The following PCDHGB1 variants were observed in gnomAD, a reference collection of about 807,000 sequenced individuals.
PCDHGB1 encodes the protein protocadherin gamma-B1.
In PCDHGB1, 34 loss-of-function variants were observed where a neutral mutation model predicts 56.6. That is an observed-to-expected ratio of 0.60 (90% CI 0.46 to 0.80). The LOEUF is 0.80. PCDHGB1 is among the 30% of genes least tolerant of loss of function. The pLI is 0.00. For synonymous variants in PCDHGB1, 561 were observed against 505.9 expected, an observed-to-expected ratio of 1.11 and a Z score of -1.46; for missense variants, 1,278 against 1,204.6, an observed-to-expected ratio of 1.06 and a Z score of -0.90.
rs1427052612 is a variant in PCDHGB1 at position 141,493,002 on chromosome 5, A to G, written c.2410-1805A>G. Among the ~76,000 whole-genome samples, 4 of 152,246 alleles carry G rather than the reference A, an allele frequency of 2.6e-5. No individual in the cohort carries two copies. The highest frequency in any genetic ancestry group is 2.1e-4 in the South Asian group (1 of 4,832). On this transcript the variant is annotated intron_variant, in intron 1 of 3. Transcript: ENST00000523390. This position sits in a 1 kb window ranked among gnomAD's most constrained non-coding sequence, Gnocchi z 4.3. ...TCTCCTCTGGCAGATGGAAAGCTAT[A>G]GGCTCTGCCAGATGCCAGGGTGCCC... is the stretch of plus-strand genomic sequence containing the variant.
intron 1 of PCDHGB1, chr5:141,418,463 C>A (rs1046926260): frequency 1.2e-6 from 2 of 1,613,826 alleles, no homozygotes; most frequent in Non-Finnish European, 1.7e-6. Context: ...GACTCTGGAC[C>A]GAGAAACGCA....
chr5:141,410,402 A>G, intron 1 of PCDHGB1: 1 of 1,614,008 alleles, frequency 6.2e-7, no homozygotes, highest in South Asian at 1.1e-5. Flanking sequence ...TCTCTGTGTC[A>G]AGTCTGGACC....
At chr5:141,421,173 C>A in intron 1 of PCDHGB1, 2 of 1,377,172 alleles carry the variant, frequency 1.5e-6, no homozygotes, top group Non-Finnish European at 9.7e-7. Context: ...GATACATAAG[C>A]CGATTCACAA....
chr5:141,397,298 T>C (rs140040192), intron 1 of PCDHGB1, among the ~76,000 whole-genome samples: 13 of 152,318 alleles, frequency 8.5e-5, no homozygotes, highest in African/African-American at 2.9e-4. Context: ...AATGAATATT[T>C]CCTGAAGTAG....
Position 141,489,195 on chromosome 5 carries a change from A to G in PCDHGB1, c.2410-5612A>G, listed in dbSNP as rs200660227. ...ATTCCAAGCCCTGGGTCTACCTTGG[A>G]GACAGGACAGCACAGACTTACTCTC... is the stretch of plus-strand genomic sequence containing the variant. On this transcript the variant is annotated intron_variant, in intron 1 of 3. Transcript: ENST00000523390. This position sits in a 1 kb window ranked among gnomAD's most constrained non-coding sequence, Gnocchi z 4.5. 1.8e-5 allele frequency: 25 copies of G among 1,383,116 alleles called. No individual in the cohort carries two copies. The East Asian group carries it at 4.8e-4, about 27-fold the overall frequency. 85.7% of individuals were successfully genotyped at this position (1,383,116 alleles called of 1,614,324 possible). A position where few individuals can be genotyped will look rare whatever the true frequency, so the allele number is the denominator to read the frequency against.
chr5:141,489,254 C>T lies in PCDHGB1; in HGVS notation c.2410-5553C>T, dbSNP rs2099684538. 2 of 1,548,628 alleles carry T rather than the reference C, an allele frequency of 1.3e-6. No homozygotes were observed. Among genetic ancestry groups the T allele is most frequent in the African/African-American group, 1.4e-5 (1 of 73,008 alleles). ...GACTTCTGGGTCATGGGGCCCAAGA[C>T]ACTCCCACAGCTCGCTGGGAAATGG... is the stretch of plus-strand genomic sequence containing the variant. On this transcript the variant is annotated intron_variant, in intron 1 of 3. Transcript: ENST00000523390. This position sits in a 1 kb window ranked among gnomAD's most constrained non-coding sequence, Gnocchi z 4.5.
chr5:141,438,072 A>C (rs761630845), intron 1 of PCDHGB1, among the ~76,000 whole-genome samples: 1 of 152,158 alleles, frequency 6.6e-6, no homozygotes, highest in Non-Finnish European at 1.5e-5. Flanking sequence ...AACCATACTT[A>C]ATGGAAAATT....
At position 141,491,067 on chromosome 5, in the gene PCDHGB1, G is replaced by T. The variant is rs752758445; in HGVS notation, c.2410-3740G>T. On this transcript the variant is annotated intron_variant, in intron 1 of 3. Transcript: ENST00000523390. The surrounding 1 kb of genome is among the most constrained non-coding windows in gnomAD (Gnocchi z 6.9). Reference sequence around the variant, plus strand: ...ACAATGCGTGGCTCTCCTACTCACTGTTGCCACAGTCCACAGCCCCAGGAC... The same window carrying T: ...ACAATGCGTGGCTCTCCTACTCACTTTTGCCACAGTCCACAGCCCCAGGAC... 1.2e-6 allele frequency: 2 copies of T among 1,614,200 alleles called. No homozygotes were observed. The highest frequency in any genetic ancestry group is 1.7e-6 in the Non-Finnish European group (2 of 1,180,040).
intron 1 of PCDHGB1, chr5:141,370,358 T>A (rs772671669): frequency 4.8e-5 from 73 of 1,513,438 alleles, no homozygotes; most frequent in Non-Finnish European, 6.2e-5. Context: ...AGATCTCCTC[T>A]CCTCGGATTT....
intron 1 of PCDHGB1, chr5:141,410,199 A>G: frequency 6.2e-7 from 1 of 1,613,998 alleles, no homozygotes; most frequent in South Asian, 1.1e-5. Flanking sequence ...GTCTTCGCAG[A>G]CAACTTGCAA....
At chr5:141,435,728 A>T (rs549219746) in intron 1 of PCDHGB1, among the ~76,000 whole-genome samples, 1 of 152,200 alleles carries the variant, frequency 6.6e-6, no homozygotes, top group Non-Finnish European at 1.5e-5. Flanking sequence ...GCTAAAGTGT[A>T]TTACTCTTTG....
At chr5:141,362,027 C>T in intron 1 of PCDHGB1, 2 of 1,608,844 alleles carry the variant, frequency 1.2e-6, no homozygotes, top group Non-Finnish European at 1.7e-6. Flanking sequence ...ACAGCGCGTG[C>T]CTTGGGCGAC....
chr5:141,366,286 C>G, intron 1 of PCDHGB1: 1 of 1,613,720 alleles, frequency 6.2e-7, no homozygotes, highest in South Asian at 1.1e-5. Flanking sequence ...ATGGCCAGCC[C>G]CCTCTGTCAG....
Position 141,393,390 on chromosome 5 carries a change from G to C in PCDHGB1, c.2409+40721G>C, listed in dbSNP as rs761230046. On this transcript the variant is annotated intron_variant, in intron 1 of 3. Coordinates refer to ENST00000523390, the MANE Select transcript of PCDHGB1 (RefSeq NM_018922.3). ...TGGAGACAATGGAGCCATAAACCCA[G>C]AGCTGGTGCTGGAGCGCGCCCTGGA... 24 of 1,613,882 alleles carry C rather than the reference G, an allele frequency of 1.5e-5. No homozygotes were observed. The South Asian group carries it at 2.5e-4, about 17-fold the overall frequency.
rs368792885 is a variant in PCDHGB1, at chr5:141,394,552, G to A, written c.2409+41883G>A. 7.4e-5 allele frequency: 119 copies of A among 1,613,952 alleles called. No homozygotes were observed. Among genetic ancestry groups the A allele is most frequent in the Admixed American group, 8.3e-5 (5 of 60,012 alleles). On this transcript the variant is annotated intron_variant, in intron 1 of 3. Transcript: ENST00000523390. ...TCCACTGGCGTGGAGCTGGCGCCCCGCTCCGCAGAGCGTGGCTACCTGGTG... is the reference window on the plus strand; with the variant it reads ...TCCACTGGCGTGGAGCTGGCGCCCCACTCCGCAGAGCGTGGCTACCTGGTG...
intron 1 of PCDHGB1, chr5:141,374,331 GC>G (rs1334948062): frequency 1.2e-6 from 2 of 1,614,024 alleles, no homozygotes; most frequent in Admixed American, 3.3e-5. Flanking sequence ...CGAAACGGCA[GC>G]TTGGTCACCG....
chr5:141,372,935 T>C, intron 1 of PCDHGB1: 2 of 830,688 alleles, frequency 2.4e-6, no homozygotes, highest in Non-Finnish European at 3.6e-6. Context: ...TGGTGTAGAG[T>C]AGGGTGTCTA....
At chr5:141,495,255 G>A (rs1055329757) in intron 2 of PCDHGB1, among the ~76,000 whole-genome samples, 5 of 152,212 alleles carry the variant, frequency 3.3e-5, no homozygotes, top group African/African-American at 1.2e-4. Flanking sequence ...GGCTCAGGCA[G>A]AAAAGCATTT....
intron 1 of PCDHGB1, chr5:141,471,645 T>G (rs891817778): frequency 1.3e-5 from 2 of 152,178 alleles, no homozygotes; most frequent in Non-Finnish European, 2.9e-5. Context: ...AGTAATATAC[T>G]GGATGTGGGG....
Sources: gnomAD v4.1 joint callset for allele counts (sites outside exome capture counted in the v4.1 genomes callset) on GRCh38, gnomAD v4.1.1 for gene constraint, Gnocchi (gnomAD v3.1) non-coding constraint, MANE v1.5 for transcripts, NCBI Gene and HGNC (gene_info 2026-07-23, HGNC 2026-07-21) for gene names.